Variants in ELAVL4 observed in about 807,000 individuals in gnomAD.
ELAVL4 encodes ELAV-like protein 4.
In ELAVL4, 1 loss-of-function variant was observed where a neutral mutation model predicts 35.6. That is an observed-to-expected ratio of 0.03 (90% CI 0.01 to 0.13). ELAVL4 has a LOEUF of 0.13. Among genes scored for constraint, ELAVL4 ranks in the 10% least tolerant of loss-of-function variants. The pLI, the probability that ELAVL4 is intolerant of heterozygous loss-of-function variation, is 1.00. For missense variants in ELAVL4, 267 were observed against 464.9 expected (o/e 0.57, Z 3.91); for synonymous variants, 156 against 171.0 (o/e 0.91, Z 0.69).
intron 1 of ELAVL4, among the ~76,000 whole-genome samples, chr1:50,049,179 C>T (rs1177088422): frequency 6.6e-6 from 1 of 152,216 alleles, no homozygotes; most frequent in African/African-American, 2.4e-5. Flanking sequence ...CTCCACAACA[C>T]AGTTTGTTGA....
intron 2 of ELAVL4, among the ~76,000 whole-genome samples, chr1:50,158,210 G>A (rs1010902663): frequency 6.6e-6 from 1 of 152,110 alleles, no homozygotes; most frequent in Non-Finnish European, 1.5e-5. Flanking sequence ...GTGAGATGTA[G>A]GTATTATTAG....
intron 1 of ELAVL4, among the ~76,000 whole-genome samples, chr1:50,117,860 GT>G (rs1220233668): frequency 6.6e-6 from 1 of 151,956 alleles, no homozygotes; most frequent in African/African-American, 2.4e-5. Context: ...CAGTGTTGTT[GT>G]TTTTTTCTAT....
intron 3 of ELAVL4, among the ~76,000 whole-genome samples, chr1:50,187,969 C>G (rs1682090889): frequency 6.6e-6 from 1 of 152,166 alleles, no homozygotes; most frequent in African/African-American, 2.4e-5. Flanking sequence ...GTGGCGCATG[C>G]CTGTAATCAC....
At chr1:50,063,240 C>A (rs909242015) in intron 1 of ELAVL4, among the ~76,000 whole-genome samples, 1 of 152,048 alleles carries the variant, frequency 6.6e-6, no homozygotes, top group Non-Finnish European at 1.5e-5. Flanking sequence ...TTAATAGATT[C>A]TTGGTAATTG....
chr1:50,197,351 G>A (rs1323390439), intron 5 of ELAVL4, 78 bp from the exon 6 acceptor site: 2 of 1,384,336 alleles, frequency 1.4e-6, no homozygotes, highest in South Asian at 1.5e-5. Flanking sequence ...TGAAAATGGA[G>A]CATTCTTATT....
At chr1:50,104,082 GGT>G, upstream of ELAVL4, 11 of 1,513,884 alleles carry the variant, frequency 7.3e-6, no homozygotes, top group Non-Finnish European at 9.2e-6. Flanking sequence ...TTTGCCTTAG[GGT>G]AACAAGACTA....
chr1:50,083,386 C>T (rs1665095823), intron 1 of ELAVL4, among the ~76,000 whole-genome samples: 1 of 152,068 alleles, frequency 6.6e-6, no homozygotes, highest in African/African-American at 2.4e-5. Flanking sequence ...TTTTTAGGTA[C>T]ATTATTACTA....
At position 50,109,016 on chromosome 1, in the gene ELAVL4, C is replaced by CCGGGGGG; in HGVS notation, c.-173_-172insGGGGGGC. The CCGGGGGG allele has an allele frequency of 3.3e-6, 3 of 905,778 alleles. No homozygotes were observed. The highest frequency in any genetic ancestry group is 3.9e-6 in the Non-Finnish European group (3 of 761,396). 56.1% of individuals were successfully genotyped at this position (905,778 alleles called of 1,614,324 possible). ...CTCCTTTTCTTTTTTTTCTTTCTCT[C>CCGGGGGG]CCCCGCCCACCCCCCCAAAAATAAT... On this transcript the variant is annotated 5_prime_UTR_variant, in exon 1 of 7. Transcript: ENST00000371824.
intron 1 of ELAVL4, among the ~76,000 whole-genome samples, chr1:50,067,150 A>T (rs912487140): frequency 1.3e-5 from 2 of 152,202 alleles, no homozygotes; most frequent in African/African-American, 4.8e-5. Context: ...CCTATCAAGT[A>T]AGAGGTTGAT....
At chr1:50,127,326 G>A (rs1488822161) in intron 1 of ELAVL4, among the ~76,000 whole-genome samples, 1 of 151,720 alleles carries the variant, frequency 6.6e-6, no homozygotes, top group Non-Finnish European at 1.5e-5. Flanking sequence ...AGACAGGCAG[G>A]TAAAAAGCGA....
At chr1:50,065,889 G>C (rs1419037049) in intron 1 of ELAVL4, among the ~76,000 whole-genome samples, 3 of 152,076 alleles carry the variant, frequency 2.0e-5, no homozygotes, top group Non-Finnish European at 2.9e-5. Context: ...TCTTCCATGT[G>C]ATCTCTTTTC....
At chr1:50,186,997 C>T (rs963795961) in intron 3 of ELAVL4, among the ~76,000 whole-genome samples, 1 of 152,212 alleles carries the variant, frequency 6.6e-6, no homozygotes, top group Non-Finnish European at 1.5e-5. Context: ...CAGTTGGCTT[C>T]TTTCTTCTGT....
At chr1:50,164,459 C>T (rs933488115) in intron 2 of ELAVL4, among the ~76,000 whole-genome samples, 2 of 152,174 alleles carry the variant, frequency 1.3e-5, no homozygotes, top group Non-Finnish European at 2.9e-5. Context: ...CTTCAGGGCC[C>T]CACATAGCAA....
At chr1:50,182,628 C>G (rs540181923) in intron 3 of ELAVL4, among the ~76,000 whole-genome samples, 68 of 152,276 alleles carry the variant, frequency 4.5e-4, no homozygotes, top group Non-Finnish European at 5.0e-4. Context: ...CATCTGTCAA[C>G]GACGTGCCAC....
chr1:50,193,949 G>A (rs1275956515), intron 4 of ELAVL4, 31 bp downstream of exon 4: 2 of 1,610,276 alleles, frequency 1.2e-6, no homozygotes, highest in African/African-American at 2.7e-5. Flanking sequence ...TTCTTTCCTT[G>A]TATATCAATG....
intron 1 of ELAVL4, among the ~76,000 whole-genome samples, chr1:50,113,171 C>A (rs1464691899): frequency 1.3e-5 from 2 of 151,232 alleles, no homozygotes; most frequent in African/African-American, 2.4e-5. Context: ...AGATGTTTTT[C>A]TCAAGTTAGA....
intron 1 of ELAVL4, among the ~76,000 whole-genome samples, chr1:50,087,189 A>C (rs1481685180): frequency 6.6e-6 from 1 of 152,204 alleles, no homozygotes; most frequent in Non-Finnish European, 1.5e-5. Context: ...GATCCCCAAA[A>C]CAGCCAACCA....
chr1:50,054,579 A>C (rs1196070970), intron 1 of ELAVL4, among the ~76,000 whole-genome samples: 1 of 151,828 alleles, frequency 6.6e-6, no homozygotes, highest in Non-Finnish European at 1.5e-5. Context: ...TTTTTTGTTT[A>C]TTTCTTATAG....
rs1477083210 is a variant in ELAVL4, at chr1:50,112,714, C to T, written c.9+3516C>T. ...AATATCTCATTTTTTAAAAAGCTAA[C>T]AAACAACTTAACCATTCATTTGTGA... On this transcript the variant is annotated intron_variant, in intron 1 of 6. Coordinates refer to ENST00000371824, the MANE Select transcript of ELAVL4 (RefSeq NM_001144774.3). Among the ~76,000 whole-genome samples, 13 of 152,210 alleles carry T rather than the reference C, an allele frequency of 8.5e-5. 1 individual carries two copies. The highest frequency in any genetic ancestry group is 5.2e-4 in the Admixed American group (8 of 15,284).
Sources: gnomAD v4.1 joint callset for allele counts (sites outside exome capture counted in the v4.1 genomes callset) on GRCh38, gnomAD v4.1.1 for gene constraint, MANE v1.5 for transcripts, NCBI Gene and HGNC (gene_info 2026-07-23, HGNC 2026-07-21) for gene names.